The following ART1 variants were observed in gnomAD, a reference collection of about 807,000 sequenced individuals.
The protein encoded by ART1 is GPI-linked NAD(P)(+)--arginine ADP-ribosyltransferase 1.
Under a neutral mutation model 27.0 loss-of-function variants are expected in ART1, and 29 were observed. The ratio of observed to expected loss-of-function variants is 1.08; its 90% confidence interval spans 0.80 to 1.47. ART1 has a LOEUF of 1.47. Ranked by LOEUF, ART1 falls within the 40% of genes most tolerant of loss-of-function variation. The pLI is 0.00. For missense variants in ART1, 480 were observed against 423.0 expected (o/e 1.13, Z -1.18); for synonymous variants, 201 against 172.2 (o/e 1.17, Z -1.31).
intron 1 of ART1, among the ~76,000 whole-genome samples, chr11:3,650,852 T>C (rs57955524): frequency 0.66 from 73,281 of 110,294 alleles, 25,692 homozygotes; most frequent in Middle Eastern, 0.79. Flanking sequence ...CACCTCTACT[T>C]CCTCCTTCGC....
chr11:3,645,967 G>A lies in ART1; in HGVS notation c.-53+788G>A, dbSNP rs186475487. Among the ~76,000 whole-genome samples, 360 of 152,286 alleles carry A rather than the reference G, an allele frequency of 2.4e-3. 1 individual carries two copies. Among genetic ancestry groups the A allele is most frequent in the African/African-American group, 8.4e-3 (351 of 41,556 alleles). On this transcript the variant is annotated intron_variant, in intron 1 of 4. Transcript: ENST00000250693. Reference sequence around the variant, plus strand: ...TCTGCACTACAGAAGCCAAGCAGGAGTGGCAGGTGCGAGCCTGCAGAGGGT... The same window carrying A: ...TCTGCACTACAGAAGCCAAGCAGGAATGGCAGGTGCGAGCCTGCAGAGGGT...
chr11:3,659,618 C>T lies in ART1; in HGVS notation c.99C>T (p.Phe33=). The stretch of plus-strand genomic sequence containing the variant: ...ACCCCATCACACGACGAGACCTCTT[C>T]TCTCAAGAGATTCAGCTGGACATGG... ...QSHPITRRDL[F]SQEIQLDMAL... is the part of the protein sequence containing the mutation. The change falls in exon 3 of 5, where the codon TTC becomes TTT. Residue 33 remains phenylalanine, a synonymous_variant. Coordinates refer to ENST00000250693, the MANE Select transcript of ART1 (RefSeq NM_004314.3). The T allele has an allele frequency of 6.2e-7, 1 of 1,611,744 alleles. No individual in the cohort carries two copies. The highest frequency in any genetic ancestry group is 1.1e-5 in the South Asian group (1 of 90,888).
chr11:3,651,565 C>T (rs1486737408), intron 1 of ART1, among the ~76,000 whole-genome samples: 1 of 150,606 alleles, frequency 6.6e-6, no homozygotes, highest in Non-Finnish European at 1.5e-5. Flanking sequence ...TTTAGCCTAG[C>T]CCTCATGTCT....
chr11:3,661,538 A>G (rs1456009938), intron 4 of ART1, 125 bp downstream of exon 4: 3 of 688,138 alleles, frequency 4.4e-6, no homozygotes, highest in Non-Finnish European at 6.5e-6. Context: ...CTTGTTGCCC[A>G]GGCTGGAGTG....
At position 3,660,033 on chromosome 11, in the gene ART1, C is replaced by G. The variant is rs150462911; in HGVS notation, c.514C>G (p.Pro172Ala). The change falls in exon 3 of 5, where the codon CCC becomes GCC. Residue 172 changes from proline to alanine, a missense_variant. Physicochemically the swap from Pro to Ala is conservative, Grantham distance 27. Coordinates refer to ENST00000250693, the MANE Select transcript of ART1 (RefSeq NM_004314.3). The part of the protein sequence containing the change: ...LQLLGSGQRP[P>A]RCHQVFRGVH... ...GCTCCTGGGCAGCGGCCAGCGTCCA[C>G]CCCGGTGCCACCAGGTGTTCCGAGG... The G allele has an allele frequency of 6.2e-7, 1 of 1,613,810 alleles. No individual in the cohort carries two copies. Among genetic ancestry groups the G allele is most frequent in the Non-Finnish European group, 8.5e-7 (1 of 1,179,940 alleles).
intron 1 of ART1, chr11:3,655,433 T>C (rs1332510518): frequency 2.6e-5 from 4 of 152,192 alleles, no homozygotes; most frequent in Admixed American, 1.3e-4. Context: ...CAGCCCTCAT[T>C]GGTTGAAGGC....
chr11:3,656,594 C>A (rs972537228), intron 1 of ART1, among the ~76,000 whole-genome samples: 6 of 152,064 alleles, frequency 3.9e-5, no homozygotes, highest in Non-Finnish European at 5.9e-5. Flanking sequence ...GTTGGCCAGG[C>A]TGGTCTTGAA....
chr11:3,649,941 A>G (rs1156255850), intron 1 of ART1, among the ~76,000 whole-genome samples: 1 of 152,210 alleles, frequency 6.6e-6, no homozygotes, highest in Non-Finnish European at 1.5e-5. Context: ...TATACATTTT[A>G]TTACCCAATC....
At chr11:3,655,106 A>T (rs1047054344) in intron 1 of ART1, among the ~76,000 whole-genome samples, 1 of 152,206 alleles carries the variant, frequency 6.6e-6, no homozygotes, top group Non-Finnish European at 1.5e-5. Context: ...AGCTCTGCTC[A>T]GGCCGCCGGT....
At chr11:3,657,641 A>T (rs1460356580) in intron 1 of ART1, among the ~76,000 whole-genome samples, 2 of 152,356 alleles carry the variant, frequency 1.3e-5, no homozygotes, top group South Asian at 2.1e-4. Context: ...GAGATCAATC[A>T]TATTCAGCAC....
intron 1 of ART1, among the ~76,000 whole-genome samples, chr11:3,646,251 C>A (rs2077469194): frequency 6.6e-6 from 1 of 151,994 alleles, no homozygotes; most frequent in Non-Finnish European, 1.5e-5. Flanking sequence ...TTGGGGCTGA[C>A]TGTGGAGGCG....
chr11:3,646,057 TG>T (rs1256088083), intron 1 of ART1, among the ~76,000 whole-genome samples: 1 of 148,762 alleles, frequency 6.7e-6, no homozygotes, highest in Non-Finnish European at 1.5e-5. Context: ...TTTGTTTGTT[TG>T]TTTTGTTTTT....
intron 1 of ART1, among the ~76,000 whole-genome samples, chr11:3,650,807 C>T (rs2133949733): frequency 6.8e-6 from 1 of 146,974 alleles, no homozygotes; most frequent in South Asian, 2.2e-4. Context: ...ACATCCTCCC[C>T]TTGTATCTCC....
At chr11:3,652,041 G>A (rs571714875) in intron 1 of ART1, among the ~76,000 whole-genome samples, 2 of 151,666 alleles carry the variant, frequency 1.3e-5, no homozygotes, top group Admixed American at 6.6e-5. Context: ...CTATCCTCAA[G>A]GAAATAACTT....
rs763739752 is a variant in ART1 at position 3,661,379 on chromosome 11, G to C, written c.852G>C (p.Lys284Asn). Residue 284 changes from lysine (K) to asparagine (N), a missense_variant, in exon 4 of 5, where the codon AAG (lysine) becomes AAC (asparagine). By Grantham distance (94) the Lys-to-Asn change is moderately conservative. Transcript: ENST00000250693. ...TYNCEYIKDK[K>N]CKSGPCHLDN... ...ACTGTTTCTTTTCTATAGACAAGAA[G>C]TGCAAGTCTGGGCCTTGCCATCTGG... is the stretch of plus-strand genomic sequence containing the variant. 1.9e-6 allele frequency: 3 copies of C among 1,603,604 alleles called. No individual in the cohort carries two copies. Among genetic ancestry groups the C allele is most frequent in the East Asian group, 2.3e-5 (1 of 44,248 alleles).
intron 3 of ART1, among the ~76,000 whole-genome samples, chr11:3,660,831 TG>T (rs990915288): frequency 3.3e-5 from 5 of 151,944 alleles, no homozygotes; most frequent in Non-Finnish European, 7.4e-5. Context: ...GGTGGGGTGG[TG>T]GGGGCAAGGA....
Position 3,653,426 on chromosome 11 carries a change from C to T in ART1, c.-52-5736C>T, listed in dbSNP as rs144376216. Among the ~76,000 whole-genome samples the T allele has an allele frequency of 1.3e-3, 184 of 141,242 alleles. 4 individuals carry two copies. Among genetic ancestry groups the T allele is most frequent in the South Asian group, 4.3e-3 (18 of 4,204 alleles). 92.7% of individuals were successfully genotyped at this position (141,242 alleles called of 152,430 possible). On this transcript the variant is annotated intron_variant, in intron 1 of 4. Transcript: ENST00000250693. The stretch of plus-strand genomic sequence containing the variant: ...TCCTGGCTCAAAAGCTCCTCTACTG[C>T]GCACCTTGTGACCCCCACTCTGACT...
intron 1 of ART1, among the ~76,000 whole-genome samples, chr11:3,657,628 A>G (rs2077584863): frequency 1.3e-5 from 2 of 152,228 alleles, no homozygotes; most frequent in Non-Finnish European, 2.9e-5. Flanking sequence ...TGGAAATTAA[A>G]AAGAGATCAA....
At chr11:3,660,430 GGCAAA>G in intron 3 of ART1, 67 bp downstream of exon 3, 1 of 1,525,696 alleles carries the variant, frequency 6.6e-7, no homozygotes, top group Non-Finnish European at 8.8e-7. Context: ...CAGGGACTTT[GGCAAA>G]CCGAAGCCCC....
Sources: gnomAD v4.1 joint callset for allele counts (sites outside exome capture counted in the v4.1 genomes callset) on GRCh38, gnomAD v4.1.1 for gene constraint, MANE v1.5 for transcripts, NCBI Gene and HGNC (gene_info 2026-07-23, HGNC 2026-07-21) for gene names.